Variants in NPHP1 observed in about 807,000 individuals in gnomAD.
NPHP1 encodes the protein nephrocystin 1.
A neutral mutation model predicts 90.4 loss-of-function variants in NPHP1; 70 were observed. The observed-to-expected ratio is 0.77, with a 90% CI of 0.64 to 0.95. The LOEUF (loss-of-function observed/expected upper bound fraction) is 0.95, where lower values mean the gene tolerates loss of function less well. Ranked by LOEUF, NPHP1 falls within the 40% of genes least tolerant of loss-of-function variation. The probability of loss-of-function intolerance (pLI) is 0.00; values close to 1 mark genes in which losing one functional copy is unlikely to be tolerated. For synonymous variants in NPHP1, 256 were observed against 271.7 expected (o/e 0.94, Z 0.57); for missense variants, 764 against 795.9 (o/e 0.96, Z 0.48).
intron 16 of NPHP1, among the ~76,000 whole-genome samples, chr2:110,138,722 C>G (rs1211066427): frequency 6.6e-6 from 1 of 152,108 alleles, no homozygotes; most frequent in African/African-American, 2.4e-5. Flanking sequence ...GTTTCAGCTG[C>G]ATGCCCAAAC....
chr2:110,144,748 T>G (rs763265138), intron 14 of NPHP1, among the ~76,000 whole-genome samples, 179 bp from the exon 15 acceptor site: 1 of 152,130 alleles, frequency 6.6e-6, no homozygotes, highest in Non-Finnish European at 1.5e-5. Context: ...AAATAAACAG[T>G]CTTTCTTTCC....
At chr2:110,204,784 A>G (rs1364143279) in intron 1 of NPHP1, 116 bp downstream of exon 1, 39 of 1,010,738 alleles carry the variant, frequency 3.9e-5, no homozygotes, top group South Asian at 3.7e-4. Flanking sequence ...CTGGGAAGGT[A>G]AGTAGGTTGG....
chr2:110,148,084 G>T, intron 12 of NPHP1, 58 bp from the exon 13 acceptor site: 1 of 1,121,302 alleles, frequency 8.9e-7, no homozygotes, highest in South Asian at 1.2e-5. Flanking sequence ...AAGGGGGTTT[G>T]ATGTGGTTTG....
rs777493763 is a variant in NPHP1, at chr2:110,178,465, A to T, written c.287T>A (p.Leu96Gln). 1 of 1,613,920 alleles carries T rather than the reference A, an allele frequency of 6.2e-7. No individual in the cohort carries two copies. Among genetic ancestry groups the T allele is most frequent in the Non-Finnish European group, 8.5e-7 (1 of 1,179,838 alleles). The part of the protein sequence containing the change: ...HTLLDKLTQQ[L>Q]QGLAVTISRE... Reference sequence around the variant, plus strand: ...GCTTATTGTCACAGCAAGGCCCTGCAGTTGTTGGGTAAGCTTGTCCAAAAG... The same window carrying T: ...GCTTATTGTCACAGCAAGGCCCTGCTGTTGTTGGGTAAGCTTGTCCAAAAG... Residue 96 changes from leucine to glutamine, a missense_variant, in exon 4 of 20, where the codon CTG (leucine) becomes CAG (glutamine). Physicochemically the swap from Leu to Gln is moderately radical, Grantham distance 113. Coordinates refer to ENST00000445609, the MANE Select transcript of NPHP1 (RefSeq NM_001128178.3).
chr2:110,202,568 TC>T (rs1371516969), intron 1 of NPHP1: 1 of 328,248 alleles, frequency 3.0e-6, no homozygotes. Flanking sequence ...CCAATATTTC[TC>T]CAGGGAGAAT....
At chr2:110,163,443 A>T (rs1682492200) in intron 8 of NPHP1, 1 of 371,218 alleles carries the variant, frequency 2.7e-6, no homozygotes, top group Non-Finnish European at 5.1e-6. Context: ...CTTCCATTTC[A>T]CAGGTAAGTT....
intron 4 of NPHP1, among the ~76,000 whole-genome samples, chr2:110,174,329 C>T (rs900819618): frequency 2.6e-5 from 4 of 152,216 alleles, no homozygotes; most frequent in Non-Finnish European, 5.9e-5. Context: ...TTAATCAAAT[C>T]ACGTTTAGTA....
intron 16 of NPHP1, among the ~76,000 whole-genome samples, chr2:110,137,458 G>A (rs1680282581): frequency 6.6e-6 from 1 of 152,006 alleles, no homozygotes; most frequent in Non-Finnish European, 1.5e-5. Context: ...AATCTACAGT[G>A]AACTCAGACA....
At chr2:110,131,853 T>C in intron 16 of NPHP1, 62 bp from the exon 17 acceptor site, 2 of 1,057,628 alleles carry the variant, frequency 1.9e-6, no homozygotes, top group Non-Finnish European at 2.9e-6. Flanking sequence ...TTATAATGTT[T>C]TGATGTATAT....
At chr2:110,137,119 A>G (rs1158352412) in intron 16 of NPHP1, among the ~76,000 whole-genome samples, 5 of 152,070 alleles carry the variant, frequency 3.3e-5, no homozygotes, top group Non-Finnish European at 5.9e-5. Flanking sequence ...CTGGCTAGCC[A>G]TATGTAGAAA....
At chr2:110,193,663 G>C (rs976529888) in intron 2 of NPHP1, among the ~76,000 whole-genome samples, 1 of 152,138 alleles carries the variant, frequency 6.6e-6, no homozygotes, top group African/African-American at 2.4e-5. Context: ...GGACCTAATA[G>C]ACATCTACAG....
chr2:110,198,529 G>A (rs1027564444), intron 2 of NPHP1, among the ~76,000 whole-genome samples: 11 of 152,054 alleles, frequency 7.2e-5, no homozygotes, highest in African/African-American at 2.4e-4. Flanking sequence ...CAGAAAACCT[G>A]AGCCAGTTAG....
intron 19 of NPHP1, 32 bp from the exon 20 acceptor site, chr2:110,124,095 GTTATTT>G (rs1347336301): frequency 6.2e-7 from 1 of 1,612,512 alleles, no homozygotes. Context: ...AAATAACATT[GTTATTT>G]TTAAAGTGTT....
At chr2:110,144,448 T>A (rs1205528432) in intron 15 of NPHP1, 45 bp downstream of exon 15, 1 of 1,267,554 alleles carries the variant, frequency 7.9e-7, no homozygotes, top group African/African-American at 1.5e-5. Context: ...ATGCTTCTAT[T>A]TGTTTAATCT....
intron 17 of NPHP1, among the ~76,000 whole-genome samples, chr2:110,131,429 G>A (rs1484503301): frequency 6.6e-6 from 1 of 152,096 alleles, no homozygotes; most frequent in East Asian, 1.9e-4. Context: ...TGACTCTTGG[G>A]ATCTCAAAAC....
At chr2:110,132,653 C>G (rs1403253964) in intron 16 of NPHP1, among the ~76,000 whole-genome samples, 1 of 152,064 alleles carries the variant, frequency 6.6e-6, no homozygotes, top group Non-Finnish European at 1.5e-5. Context: ...GACTCTGTCT[C>G]AAAACAAAAC....
chr2:110,129,860 A>G (rs994859978), intron 17 of NPHP1, among the ~76,000 whole-genome samples: 1 of 152,220 alleles, frequency 6.6e-6, no homozygotes, highest in Non-Finnish European at 1.5e-5. Context: ...ATCTGTGCAA[A>G]GAAGCACATC....
chr2:110,179,092 T>C (rs1683705806), intron 3 of NPHP1, among the ~76,000 whole-genome samples: 1 of 151,904 alleles, frequency 6.6e-6, no homozygotes, highest in African/African-American at 2.4e-5. Flanking sequence ...TGCCTTCCAC[T>C]TTAAAGACTC....
At chr2:110,164,811 A>T (rs1682602777) in intron 7 of NPHP1, 81 bp from the exon 8 acceptor site, 2 of 1,216,520 alleles carry the variant, frequency 1.6e-6, no homozygotes, top group Non-Finnish European at 2.4e-6. Flanking sequence ...ATCACAGTTG[A>T]TAATCATCAG....
Sources: gnomAD v4.1 joint callset for allele counts (sites outside exome capture counted in the v4.1 genomes callset) on GRCh38, gnomAD v4.1.1 for gene constraint, MANE v1.5 for transcripts, NCBI Gene and HGNC (gene_info 2026-07-23, HGNC 2026-07-21) for gene names.